The following LRRCC1 variants were observed in gnomAD, a reference collection of about 807,000 sequenced individuals.
The protein encoded by LRRCC1 is leucine rich repeat and coiled-coil centrosomal protein 1, also known as leucine-rich repeat and coiled-coil domain-containing protein 1.
A neutral mutation model predicts 126.0 loss-of-function variants in LRRCC1; 115 were observed. The observed-to-expected ratio is 0.91, with a 90% confidence interval of 0.78 to 1.07. The LOEUF is 1.07. Among genes scored for constraint, LRRCC1 ranks in the 50% least tolerant of loss-of-function variants. LRRCC1 has a pLI of 0.00. For missense variants in LRRCC1, 1,172 were observed against 1,175.7 expected (o/e 1.00, Z 0.05); for synonymous variants, 400 against 393.4 (o/e 1.02, Z -0.20).
chr8:85,137,935 T>C (rs1355374817), intron 15 of LRRCC1, 100 bp from the exon 16 acceptor site: 12 of 656,202 alleles, frequency 1.8e-5, no homozygotes, highest in Non-Finnish European at 2.5e-5. Context: ...TTTATATGTT[T>C]AAAATATTAT....
rs548065541 is a variant in LRRCC1, at chr8:85,138,020, A to T, written c.2494-15A>T. 1 of 1,435,590 alleles carries T rather than the reference A, an allele frequency of 7.0e-7. No individual in the cohort carries two copies. The highest frequency in any genetic ancestry group is 9.4e-7 in the Non-Finnish European group (1 of 1,061,426). 88.9% of individuals were successfully genotyped at this position (1,435,590 alleles called of 1,614,324 possible). ...TAAAGTTAATAAAAACAAAGTGCCA[A>T]TTTTTTTCTTAAAGTGTTTACAAGA... On this transcript the variant is annotated splice_polypyrimidine_tract_variant and intron_variant, in intron 15 of 18. Coordinates refer to ENST00000360375, the MANE Select transcript of LRRCC1 (RefSeq NM_033402.5).
intron 6 of LRRCC1, among the ~76,000 whole-genome samples, chr8:85,118,054 A>G (rs1809255121): frequency 6.6e-6 from 1 of 152,080 alleles, no homozygotes; most frequent in African/African-American, 2.4e-5. Context: ...TCCAGAGGCA[A>G]TCACTTTTCT....
In LRRCC1 at chr8:85,145,468, A is replaced by G. The variant is rs774305321; in HGVS notation, c.3056A>G (p.Lys1019Arg). 1 of 1,584,576 alleles carries G rather than the reference A, an allele frequency of 6.3e-7. No individual in the cohort carries two copies. The highest frequency in any genetic ancestry group is 8.5e-7 in the Non-Finnish European group (1 of 1,170,074). ...KNKKTMEAKIKQLAFALNEIQ... is the reference protein window; with the variant it reads ...KNKKTMEAKIRQLAFALNEIQ... ...AAAAAAACAATGGAAGCAAAAATTA[A>G]GCAACTTGCTTTTGCTTTAAATGAA... is the stretch of plus-strand genomic sequence containing the variant. The change falls in exon 19 of 19, where the codon AAG becomes AGG. Residue 1019 changes from lysine to arginine, a missense_variant. Physicochemically the swap from Lys to Arg is conservative, Grantham distance 26. Transcript: ENST00000360375.
chr8:85,112,948 T>C lies in LRRCC1; in HGVS notation c.393T>C (p.His131=), dbSNP rs1469557777. ...CTATTGCAGGATTGATTCCCCTTCA[T>C]GGAATTAAGCATAAACTTAGATATA... is the stretch of plus-strand genomic sequence containing the variant. The part of the protein sequence containing the change: ...IDDLSGLIPL[H]GIKHKLRYID... Residue 131 remains histidine, a synonymous_variant, in exon 4 of 19, where the codon CAT becomes CAC. Transcript: ENST00000360375. 6.4e-7 allele frequency: 1 copy of C among 1,570,730 alleles called. No homozygotes were observed.
intron 12 of LRRCC1, 146 bp downstream of exon 12, chr8:85,132,107 C>T (rs1587424069): frequency 1.2e-5 from 8 of 648,404 alleles, no homozygotes; most frequent in South Asian, 2.4e-5. Flanking sequence ...GCCTTAGTTT[C>T]CTCAAATAAA....
intron 12 of LRRCC1, among the ~76,000 whole-genome samples, chr8:85,133,254 C>T (rs964093789): frequency 4.6e-5 from 7 of 152,164 alleles, no homozygotes; most frequent in Non-Finnish European, 7.3e-5. Flanking sequence ...GCTTTCTCCT[C>T]TTCCATACTC....
Position 85,109,740 on chromosome 8 carries a change from A to C in LRRCC1, c.250A>C (p.Asn84His), listed in dbSNP as rs1220666799. ...TCAAATAAGTAGAATTGAAGGACTA[A>C]ACACACTGACAAAACTGTGCACATT... is the stretch of plus-strand genomic sequence containing the variant. ...SNQISRIEGL[N>H]TLTKLCTLNL... is the part of the protein sequence containing the mutation. Residue 84 changes from asparagine (N) to histidine (H), a missense_variant, in exon 2 of 19, where the codon AAC becomes CAC. Physicochemically the swap from Asn to His is moderately conservative, Grantham distance 68. Coordinates refer to ENST00000360375, the MANE Select transcript of LRRCC1 (RefSeq NM_033402.5). The C allele has an allele frequency of 4.4e-6, 7 of 1,603,456 alleles. No homozygotes were observed. In the Admixed American group the frequency reaches 6.7e-5, roughly 15 times the overall value.
At chr8:85,125,651 C>A (rs1438206025) in intron 8 of LRRCC1, among the ~76,000 whole-genome samples, 1 of 103,386 alleles carries the variant, frequency 9.7e-6, no homozygotes, top group African/African-American at 4.1e-5. Flanking sequence ...CCAGCCTGGG[C>A]GACAGAGCGA....
intron 6 of LRRCC1, among the ~76,000 whole-genome samples, chr8:85,118,293 T>C (rs1809271998): frequency 6.6e-6 from 1 of 152,108 alleles, no homozygotes; most frequent in African/African-American, 2.4e-5. Context: ...TTAACCTAGC[T>C]TATAACCTGG....
At chr8:85,111,590 G>T (rs1004962683) in intron 3 of LRRCC1, among the ~76,000 whole-genome samples, 1 of 151,988 alleles carries the variant, frequency 6.6e-6, no homozygotes, top group Non-Finnish European at 1.5e-5. Context: ...AAGTCACAGG[G>T]CTTACATTAT....
chr8:85,132,962 T>C (rs1054975733), intron 12 of LRRCC1, among the ~76,000 whole-genome samples: 7 of 152,228 alleles, frequency 4.6e-5, no homozygotes, highest in Non-Finnish European at 8.8e-5. Context: ...CATGCTGTGA[T>C]TTCTCTTATC....
At chr8:85,116,045 C>A (rs969398284) in intron 6 of LRRCC1, among the ~76,000 whole-genome samples, 2 of 152,160 alleles carry the variant, frequency 1.3e-5, no homozygotes, top group African/African-American at 2.4e-5. Flanking sequence ...TTCTAGTAGA[C>A]CATCACCTAA....
At chr8:85,117,216 A>G (rs570230899) in intron 6 of LRRCC1, among the ~76,000 whole-genome samples, 31 of 152,314 alleles carry the variant, frequency 2.0e-4, no homozygotes, top group African/African-American at 6.7e-4. Context: ...TAAATCATTT[A>G]TTTAAAAGTA....
intron 7 of LRRCC1, among the ~76,000 whole-genome samples, chr8:85,124,091 G>A (rs1299959812): frequency 6.6e-6 from 1 of 152,086 alleles, no homozygotes; most frequent in Non-Finnish European, 1.5e-5. Flanking sequence ...AGGATTAAAT[G>A]TGAATAAGAT....
chr8:85,138,183 A>C lies in LRRCC1; in HGVS notation c.2642A>C (p.Lys881Thr). 6.2e-7 allele frequency: 1 copy of C among 1,612,388 alleles called. No individual in the cohort carries two copies. Among genetic ancestry groups the C allele is most frequent in the Non-Finnish European group, 8.5e-7 (1 of 1,179,218 alleles). Residue 881 changes from lysine to threonine, a missense_variant, in exon 16 of 19, where the codon AAA becomes ACA. Physicochemically the swap from Lys to Thr is moderately conservative, Grantham distance 78 (BLOSUM62 -1). Coordinates refer to ENST00000360375, the MANE Select transcript of LRRCC1 (RefSeq NM_033402.5). ...GAAAGGCACAATGAAAGAAAAGAAA[A>C]ACTAAAACAACAGTTGAAAGGAAAG... ...KLERHNERKEKLKQQLKGKEV... is the reference protein window; with the variant it reads ...KLERHNERKETLKQQLKGKEV...
At chr8:85,109,056 A>T (rs984568053) in intron 1 of LRRCC1, 5 of 152,512 alleles carry the variant, frequency 3.3e-5, no homozygotes, top group African/African-American at 1.2e-4. Flanking sequence ...ATAAAGTTAT[A>T]ATCTCCAGCA....
intron 3 of LRRCC1, among the ~76,000 whole-genome samples, chr8:85,112,389 G>A (rs1232528766): frequency 1.3e-5 from 2 of 152,168 alleles, no homozygotes; most frequent in Admixed American, 1.3e-4. Flanking sequence ...GGGTACACTG[G>A]CATTGTACAA....
chr8:85,130,120 T>TAG, intron 11 of LRRCC1, 62 bp downstream of exon 11: 1 of 1,222,290 alleles, frequency 8.2e-7, no homozygotes, highest in Non-Finnish European at 1.1e-6. Context: ...AAGCTACTGG[T>TAG]TCCCCACTAC....
chr8:85,143,096 G>A (rs1247179174), intron 18 of LRRCC1, among the ~76,000 whole-genome samples: 1 of 152,032 alleles, frequency 6.6e-6, no homozygotes, highest in South Asian at 2.1e-4. Flanking sequence ...AGGCTGAGGC[G>A]GCTGGATCAC....
Sources: allele counts gnomAD v4.1 joint callset (sites outside exome capture counted in the v4.1 genomes callset), GRCh38; gene constraint gnomAD v4.1.1; transcripts MANE v1.5; gene names NCBI Gene and HGNC (gene_info 2026-07-23, HGNC 2026-07-21).